The following PDE10A variants were observed in gnomAD, a reference collection of about 807,000 sequenced individuals.
The protein encoded by PDE10A is phosphodiesterase 10A, also known as cAMP and cAMP-inhibited cGMP 3',5'-cyclic phosphodiesterase 10A.
PDE10A carries 39 observed loss-of-function variants against 97.7 expected under a neutral mutation model. That is an observed-to-expected ratio of 0.40 (90% CI 0.31 to 0.52). The LOEUF (loss-of-function observed/expected upper bound fraction) is 0.52, where lower values mean the gene tolerates loss of function less well. Ranked by LOEUF, PDE10A falls within the 20% of genes least tolerant of loss-of-function variation. The probability of loss-of-function intolerance (pLI) is 0.56; values close to 1 mark genes in which losing one functional copy is unlikely to be tolerated. For synonymous variants in PDE10A, 371 were observed against 376.8 expected, an observed-to-expected ratio of 0.98 and a Z score of 0.18; for missense variants, 731 against 1,047.8, an observed-to-expected ratio of 0.70 and a Z score of 4.17.
chr6:165,567,927 C>G (rs151145097), intron 1 of PDE10A, among the ~76,000 whole-genome samples: 3 of 150,740 alleles, frequency 2.0e-5, no homozygotes, highest in Non-Finnish European at 4.4e-5. Context: ...AGCCAATAGT[C>G]TCTACTTACC....
chr6:165,432,889 T>G (rs1252879154), intron 7 of PDE10A, 85 bp downstream of exon 7: 1 of 881,462 alleles, frequency 1.1e-6, no homozygotes, highest in Non-Finnish European at 1.8e-6. Flanking sequence ...ATTTTCAGTT[T>G]AGTATTACTT....
chr6:165,969,815 C>A (rs1784617254), intron 1 of PDE10A, among the ~76,000 whole-genome samples: 1 of 152,082 alleles, frequency 6.6e-6, no homozygotes, highest in Non-Finnish European at 1.5e-5. Flanking sequence ...TGTTATAAAC[C>A]ATTGAATAAA....
At chr6:165,520,526 T>C (rs963547039) in intron 2 of PDE10A, among the ~76,000 whole-genome samples, 2 of 152,150 alleles carry the variant, frequency 1.3e-5, no homozygotes, top group African/African-American at 2.4e-5. Flanking sequence ...CCTGGGCACC[T>C]AGTGATTTGA....
At chr6:165,708,928 G>T (rs1435502837) in intron 1 of PDE10A, among the ~76,000 whole-genome samples, 1 of 7,308 alleles carries the variant, frequency 1.4e-4, no homozygotes, top group African/African-American at 1.6e-3. Context: ...CCCCCATGCT[G>T]CCACGCTCAC....
intron 1 of PDE10A, chr6:165,780,555 C>T (rs1020676358): frequency 6.6e-6 from 1 of 152,282 alleles, no homozygotes; most frequent in African/African-American, 2.4e-5. Flanking sequence ...GCAAACCTGA[C>T]AAGCCTGGAA....
At chr6:165,896,547 T>C (rs1781953999) in intron 1 of PDE10A, among the ~76,000 whole-genome samples, 1 of 127,218 alleles carries the variant, frequency 7.9e-6, no homozygotes, top group African/African-American at 3.1e-5. Flanking sequence ...TTTTTTGAGA[T>C]GGAGTCTTGC....
At chr6:165,866,679 A>G (rs2128477679) in intron 1 of PDE10A, among the ~76,000 whole-genome samples, 1 of 151,806 alleles carries the variant, frequency 6.6e-6, no homozygotes, top group East Asian at 1.9e-4. Context: ...AAAAACAACA[A>G]AAAAGAGTCA....
At chr6:165,772,356 G>A (rs367554259) in intron 1 of PDE10A, among the ~76,000 whole-genome samples, 163 of 152,262 alleles carry the variant, frequency 1.1e-3, no homozygotes, top group African/African-American at 3.4e-3. Flanking sequence ...GGCTTATAAA[G>A]TCCTAAAACA....
intron 1 of PDE10A, among the ~76,000 whole-genome samples, chr6:165,718,633 C>T (rs1301187591): frequency 1.3e-5 from 2 of 151,974 alleles, no homozygotes; most frequent in Non-Finnish European, 2.9e-5. Context: ...TGTATATACC[C>T]GAACCCCCAC....
intron 1 of PDE10A, among the ~76,000 whole-genome samples, chr6:165,894,018 G>T (rs1338907920): frequency 6.6e-6 from 1 of 152,086 alleles, no homozygotes; most frequent in East Asian, 1.9e-4. Flanking sequence ...ATGGCCCTGG[G>T]CACCTTGTCT....
At chr6:165,449,694 GTTA>G (rs1395905353) in intron 4 of PDE10A, among the ~76,000 whole-genome samples, 1 of 151,992 alleles carries the variant, frequency 6.6e-6, no homozygotes, top group Non-Finnish European at 1.5e-5. Context: ...CAAAATAAAT[GTTA>G]TTATGGTTGG....
intron 2 of PDE10A, among the ~76,000 whole-genome samples, chr6:165,484,736 A>T (rs77178950): frequency 0.012 from 1,836 of 152,302 alleles, 17 homozygotes; most frequent in Middle Eastern, 0.068. Flanking sequence ...AAGTGAGCTG[A>T]GTGCTTCAAT....
intron 1 of PDE10A, among the ~76,000 whole-genome samples, chr6:165,789,631 T>A (rs1290701830): frequency 6.6e-6 from 1 of 152,238 alleles, no homozygotes; most frequent in Non-Finnish European, 1.5e-5. Flanking sequence ...AATATGTCAA[T>A]CCAGCAACAT....
intron 20 of PDE10A, among the ~76,000 whole-genome samples, chr6:165,338,242 C>G (rs1022518005): frequency 6.6e-6 from 1 of 152,186 alleles, no homozygotes; most frequent in Non-Finnish European, 1.5e-5. Flanking sequence ...GAGCTGTGGA[C>G]TTGTCTAAAT....
intron 2 of PDE10A, among the ~76,000 whole-genome samples, chr6:165,522,891 G>T (rs1000454224): frequency 6.6e-6 from 1 of 151,944 alleles, no homozygotes; most frequent in Non-Finnish European, 1.5e-5. Context: ...ATCTACCAAA[G>T]GCTCCTAGAA....
chr6:165,912,171 A>G (rs547387875), intron 1 of PDE10A, among the ~76,000 whole-genome samples: 1 of 151,706 alleles, frequency 6.6e-6, no homozygotes, highest in Non-Finnish European at 1.5e-5. Flanking sequence ...CTCTCTCTCT[A>G]TCATCTATCT....
chr6:165,450,239 T>C lies in PDE10A; in HGVS notation c.1144+3A>G, dbSNP rs1444790492. 6.5e-7 allele frequency: 1 copy of C among 1,539,812 alleles called. No homozygotes were observed. On this transcript the variant is annotated splice_donor_region_variant and intron_variant, in intron 4 of 21. Transcript: ENST00000539869. ...TCTAACAGGAACACAAAATGCTTCTTACCTATTTTAATGATGCTGCTCAGT... is the reference window on the plus strand; with the variant it reads ...TCTAACAGGAACACAAAATGCTTCTCACCTATTTTAATGATGCTGCTCAGT...
chr6:165,779,724 C>T (rs192000165), intron 1 of PDE10A, among the ~76,000 whole-genome samples: 2 of 152,310 alleles, frequency 1.3e-5, no homozygotes, highest in Admixed American at 1.3e-4. Context: ...GGGCCCCTGG[C>T]AGAGCTGAAT....
At chr6:165,588,791 A>T (rs1164642780) in intron 1 of PDE10A, among the ~76,000 whole-genome samples, 1 of 152,186 alleles carries the variant, frequency 6.6e-6, no homozygotes, top group East Asian at 1.9e-4. Context: ...TTGAATCTCT[A>T]ATCCACCACT....
Sources: gnomAD v4.1 joint callset for allele counts (sites outside exome capture counted in the v4.1 genomes callset) on GRCh38, gnomAD v4.1.1 for gene constraint, MANE v1.5 for transcripts, NCBI Gene and HGNC (gene_info 2026-07-23, HGNC 2026-07-21) for gene names.